Variants in WNT9B observed in about 807,000 individuals in gnomAD.
WNT9B encodes the protein protein Wnt-9b.
A neutral mutation model predicts 30.2 loss-of-function variants in WNT9B; 12 were observed. That is an observed-to-expected ratio of 0.40 (90% confidence interval 0.26 to 0.64). The LOEUF (loss-of-function observed/expected upper bound fraction) is 0.64, where lower values mean the gene tolerates loss of function less well. Ranked by LOEUF, WNT9B falls within the 30% of genes least tolerant of loss-of-function variation. WNT9B has a pLI of 0.42. For synonymous variants in WNT9B, 218 were observed against 216.9 expected (o/e 1.01, Z -0.05); for missense variants, 442 against 485.2 (o/e 0.91, Z 0.84).
At chr17:46,880,769 C>T (rs966900822), downstream of WNT9B, among the ~76,000 whole-genome samples, 22 of 152,128 alleles carry the variant, frequency 1.4e-4, no homozygotes, top group East Asian at 5.8e-4. Flanking sequence ...ATGGATCGCC[C>T]CATTTTATTG....
chr17:46,871,559 A>T (rs565577169), intron 1 of WNT9B, among the ~76,000 whole-genome samples: 1 of 152,304 alleles, frequency 6.6e-6, no homozygotes, highest in East Asian at 1.9e-4. Context: ...GCTAGCAGGA[A>T]GGTAGGCCTG....
upstream of WNT9B, among the ~76,000 whole-genome samples, chr17:46,848,113 T>C (rs1342469487): frequency 6.6e-6 from 1 of 152,048 alleles, no homozygotes; most frequent in Non-Finnish European, 1.5e-5. Context: ...TTCTCTTGCA[T>C]ACCTGTGTGA....
intron 1 of WNT9B, among the ~76,000 whole-genome samples, chr17:46,861,116 C>T (rs1460886436): frequency 6.6e-6 from 1 of 152,248 alleles, no homozygotes; most frequent in Non-Finnish European, 1.5e-5. Context: ...CAGTGGAACC[C>T]CAACTGGAGG....
At chr17:46,881,570 C>T (rs941435106), downstream of WNT9B, among the ~76,000 whole-genome samples, 4 of 152,184 alleles carry the variant, frequency 2.6e-5, no homozygotes, top group African/African-American at 7.2e-5. Context: ...CTCTACCATA[C>T]ACCATCCTCA....
In WNT9B at chr17:46,857,474, C is replaced by CAA. The variant is rs35196121; in HGVS notation, c.77+5780_77+5781dup. Among the ~76,000 whole-genome samples the CAA allele has an allele frequency of 5.8e-3, 549 of 94,288 alleles. 5 individuals carry two copies. Among genetic ancestry groups the CAA allele is most frequent in the African/African-American group, 0.016 (457 of 29,080 alleles). The allele number at this position is 94,288 out of a possible 152,430, so 61.9% of individuals were successfully genotyped here. Reference sequence around the variant, plus strand: ...TGGGCAACAGAGCAAGACTCTGTCTCAAAAAAAAAAAAAAAAAAAAAAGAT... The same window carrying CAA: ...TGGGCAACAGAGCAAGACTCTGTCTCAAAAAAAAAAAAAAAAAAAAAAAAGAT... On this transcript the variant is annotated intron_variant, in intron 1 of 3. Transcript: ENST00000290015.
intron 1 of WNT9B, among the ~76,000 whole-genome samples, chr17:46,852,288 G>A (rs1490228880): frequency 6.6e-6 from 1 of 152,196 alleles, no homozygotes; most frequent in Non-Finnish European, 1.5e-5. Context: ...AGCGCCAGCT[G>A]GAGACGCAGG....
intron 1 of WNT9B, among the ~76,000 whole-genome samples, chr17:46,870,249 G>A (rs2085216564): frequency 6.6e-6 from 1 of 152,178 alleles, no homozygotes; most frequent in South Asian, 2.1e-4. Flanking sequence ...AGCCCTCGGT[G>A]TGAGAAGGAG....
chr17:46,867,881 C>A (rs2085166285), intron 1 of WNT9B, among the ~76,000 whole-genome samples: 1 of 152,070 alleles, frequency 6.6e-6, no homozygotes, highest in South Asian at 2.1e-4. Flanking sequence ...AGCCAGAGGT[C>A]ATCGCATGTG....
intron 2 of WNT9B, among the ~76,000 whole-genome samples, chr17:46,874,738 C>T (rs1385972359): frequency 3.3e-5 from 5 of 151,932 alleles, no homozygotes; most frequent in South Asian, 2.1e-4. Flanking sequence ...CCACCATGCC[C>T]GGCTAATTTT....
chr17:46,847,286 A>T (rs1421409969), upstream of WNT9B, among the ~76,000 whole-genome samples: 1 of 152,216 alleles, frequency 6.6e-6, no homozygotes, highest in African/African-American at 2.4e-5. Flanking sequence ...GTGTTCCAGA[A>T]AAATCAAGTC....
At chr17:46,858,618 C>T (rs2084979037) in intron 1 of WNT9B, among the ~76,000 whole-genome samples, 1 of 152,142 alleles carries the variant, frequency 6.6e-6, no homozygotes, top group South Asian at 2.1e-4. Context: ...TTGCAGTTTA[C>T]AAATCACTTT....
At chr17:46,852,727 A>AC (rs565523228) in intron 1 of WNT9B, among the ~76,000 whole-genome samples, 171 of 152,022 alleles carry the variant, frequency 1.1e-3, no homozygotes, top group Middle Eastern at 0.01. Flanking sequence ...TAAAATCTTC[A>AC]CCCCAAATCA....
At chr17:46,842,872 C>A (rs56158829) in intron 1 of WNT9B, among the ~76,000 whole-genome samples, 12,430 of 152,284 alleles carry the variant, frequency 0.082, 581 homozygotes, top group Non-Finnish European at 0.099. Context: ...TTCATCTTCA[C>A]ATTTCTCACC....
rs1275128363 is a variant in WNT9B, at chr17:46,877,853, G to A, written c.*1135G>A. Among the ~76,000 whole-genome samples the A allele has an allele frequency of 6.6e-6, 1 of 152,206 alleles. No individual in the cohort carries two copies. The highest frequency in any genetic ancestry group is 6.5e-5 in the Admixed American group (1 of 15,282). ...TGGGGTTATAGGTGCTTGAGTCCTT[G>A]CTAAGCCTGGCTCCTGGGTAGCCTC... On this transcript the variant is annotated 3_prime_UTR_variant, in exon 4 of 4. Coordinates refer to ENST00000290015, the MANE Select transcript of WNT9B (RefSeq NM_003396.3).
intron 1 of WNT9B, chr17:46,833,507 A>C: frequency 2.2e-6 from 1 of 454,388 alleles, no homozygotes; most frequent in South Asian, 1.6e-5. Context: ...TCACTGCCTG[A>C]CTTCTCTCTG....
At chr17:46,876,154 C>T in intron 3 of WNT9B, 91 bp from the exon 4 acceptor site, 1 of 1,244,316 alleles carries the variant, frequency 8.0e-7, no homozygotes, top group Non-Finnish European at 1.1e-6. Context: ...CATTCTCCTG[C>T]CTCTGCCCTG....
At chr17:46,874,644 C>G (rs1440071943) in intron 2 of WNT9B, among the ~76,000 whole-genome samples, 1 of 152,180 alleles carries the variant, frequency 6.6e-6, no homozygotes, top group Non-Finnish European at 1.5e-5. Context: ...ATGGCGCAAT[C>G]TCAGCTCACT....
intron 1 of WNT9B, among the ~76,000 whole-genome samples, chr17:46,845,663 G>A (rs2084767656): frequency 6.6e-6 from 1 of 150,972 alleles, no homozygotes; most frequent in Non-Finnish European, 1.5e-5. Flanking sequence ...GCTAACTTTT[G>A]TATTTTTAGT....
chr17:46,847,995 T>TGTGTGTGTGC (rs746347823), upstream of WNT9B, among the ~76,000 whole-genome samples: 1 of 149,424 alleles, frequency 6.7e-6, no homozygotes. Context: ...TGTGTGTGTG[T>TGTGTGTGTGC]GCACGTGCAT....
Sources: allele counts gnomAD v4.1 joint callset (sites outside exome capture counted in the v4.1 genomes callset), GRCh38; gene constraint gnomAD v4.1.1; transcripts MANE v1.5; gene names NCBI Gene and HGNC (gene_info 2026-07-23, HGNC 2026-07-21).